Variants in CPA6 observed in about 807,000 individuals in gnomAD.
The protein encoded by CPA6 is carboxypeptidase A6, also known as carboxypeptidase B.
In CPA6, 58 loss-of-function variants were observed where a neutral mutation model predicts 63.3. That is an observed-to-expected ratio of 0.92 (90% confidence interval 0.74 to 1.14). The LOEUF (loss-of-function observed/expected upper bound fraction) is 1.14. CPA6 is among the 50% of genes most tolerant of loss of function. CPA6 has a pLI of 0.00. For missense variants in CPA6, 565 were observed against 526.6 expected, an observed-to-expected ratio of 1.07 and a Z score of -0.71; for synonymous variants, 185 against 179.0, an observed-to-expected ratio of 1.03 and a Z score of -0.27.
intron 6 of CPA6, among the ~76,000 whole-genome samples, chr8:67,504,326 C>T (rs960847123): frequency 1.3e-5 from 2 of 152,186 alleles, no homozygotes; most frequent in Admixed American, 6.5e-5. Flanking sequence ...ACAATTCCTG[C>T]TCTTAGTATT....
Position 67,746,046 on chromosome 8 carries a change from C to T in CPA6, c.84G>A (p.Gly28=). Residue 28 remains glycine, a synonymous_variant, in exon 1 of 11, where the codon GGG becomes GGA. Transcript: ENST00000297770. ...AGCGGTTGTTATAAAGGTGGCTGTG[C>T]CCCGGTTGCAGAATCTTCAAAAAGA... ...CWLFLKILQP[G]HSHLYNNRYA... The T allele has an allele frequency of 7.4e-6, 12 of 1,613,480 alleles. No homozygotes were observed. The highest frequency in any genetic ancestry group is 1.7e-5 in the Admixed American group (1 of 60,002).
rs545423775 is a variant in CPA6 at position 67,651,887 on chromosome 8, C to A, written c.117-27636G>T. On this transcript the variant is annotated intron_variant, in intron 1 of 10. Coordinates refer to ENST00000297770, the MANE Select transcript of CPA6 (RefSeq NM_020361.5). ...AGGTATATCTCCTAAAGCTATCCCT[C>A]CCCCCTGCCCCCACCCCGCAACAGT... is the stretch of plus-strand genomic sequence containing the variant. Among the ~76,000 whole-genome samples the A allele has an allele frequency of 3.1e-3, 470 of 151,656 alleles. 3 individuals carry two copies. The highest frequency in any genetic ancestry group is 0.011 in the African/African-American group (454 of 41,332).
At chr8:67,569,390 T>G in intron 2 of CPA6, 1 of 190,460 alleles carries the variant, frequency 5.3e-6, no homozygotes, top group Admixed American at 5.8e-5. Context: ...TCTGCCACCA[T>G]CTCGGTTCCA....
intron 9 of CPA6, among the ~76,000 whole-genome samples, chr8:67,430,766 T>G (rs1280515874): frequency 1.3e-5 from 2 of 152,184 alleles, no homozygotes; most frequent in African/African-American, 4.8e-5. Context: ...GGCCTATACC[T>G]GCTAGATGCC....
rs182766666 is a variant in CPA6 at position 67,642,209 on chromosome 8, T to C, written c.117-17958A>G. ...GGCGGGCGCCTGTAATCCCAGCTAT[T>C]TGGGAGGCTGAGGCAGGAGAATCAC... On this transcript the variant is annotated intron_variant, in intron 1 of 10. Transcript: ENST00000297770. Among the ~76,000 whole-genome samples the C allele has an allele frequency of 4.1e-3, 629 of 152,026 alleles. 2 individuals are homozygous for C. Among genetic ancestry groups the C allele is most frequent in the Non-Finnish European group, 6.3e-3 (430 of 67,978 alleles).
intron 2 of CPA6, among the ~76,000 whole-genome samples, chr8:67,589,998 C>A (rs1283485355): frequency 1.3e-5 from 2 of 151,752 alleles, no homozygotes; most frequent in East Asian, 3.9e-4. Flanking sequence ...ATTAACTCAT[C>A]ATTTAGCATT....
intron 8 of CPA6, among the ~76,000 whole-genome samples, chr8:67,456,119 T>G (rs1029623644): frequency 6.6e-6 from 1 of 152,228 alleles, no homozygotes; most frequent in Admixed American, 6.5e-5. Context: ...ATGCTTAGAT[T>G]CTGTCCTAAA....
intron 10 of CPA6, among the ~76,000 whole-genome samples, chr8:67,426,656 T>A (rs550063556): frequency 1.3e-4 from 20 of 152,322 alleles, no homozygotes; most frequent in Middle Eastern, 3.4e-3. Context: ...AGGAATACAA[T>A]GATAGGTAGA....
intron 1 of CPA6, among the ~76,000 whole-genome samples, chr8:67,676,271 TCCCA>T (rs1194714441): frequency 6.6e-6 from 1 of 152,204 alleles, no homozygotes; most frequent in African/African-American, 2.4e-5. Context: ...CGCATTCACT[TCCCA>T]CCAAGTGGCA....
At chr8:67,449,378 T>C (rs1311247558) in intron 8 of CPA6, among the ~76,000 whole-genome samples, 1 of 152,264 alleles carries the variant, frequency 6.6e-6, no homozygotes, top group Non-Finnish European at 1.5e-5. Context: ...AAGTATGCTC[T>C]GATACAGGCA....
rs142956361 is a variant in CPA6, at chr8:67,560,259, T to C, written c.193-42212A>G. 4.6e-3 allele frequency among the ~76,000 whole-genome samples: 689 copies of C among 151,100 alleles called. 4 individuals are homozygous for C. Among genetic ancestry groups the C allele is most frequent in the African/African-American group, 0.016 (643 of 41,046 alleles). On this transcript the variant is annotated intron_variant, in intron 2 of 10. Coordinates refer to ENST00000297770, the MANE Select transcript of CPA6 (RefSeq NM_020361.5). ...GGAATACTCTAATTACAAAAGGAAA[T>C]ACTGCATCTCCCAAAGGGCTCGCTA...
At chr8:67,733,217 A>AAAAAAAAT (rs1258321002) in intron 1 of CPA6, among the ~76,000 whole-genome samples, 1 of 124,594 alleles carries the variant, frequency 8.0e-6, no homozygotes. Flanking sequence ...AAAAAAAAAA[A>AAAAAAAAT]AAAAAAATAA....
intron 1 of CPA6, among the ~76,000 whole-genome samples, chr8:67,661,491 G>T (rs1816108483): frequency 6.6e-6 from 1 of 152,204 alleles, no homozygotes; most frequent in African/African-American, 2.4e-5. Context: ...GAAGCATCTT[G>T]CTCCTGTAGT....
chr8:67,721,797 A>G (rs952630312), intron 1 of CPA6, among the ~76,000 whole-genome samples: 1 of 152,202 alleles, frequency 6.6e-6, no homozygotes, highest in Non-Finnish European at 1.5e-5. Flanking sequence ...TTTTTATGGT[A>G]GGGGCTTTCA....
intron 8 of CPA6, among the ~76,000 whole-genome samples, chr8:67,458,908 C>T (rs910129144): frequency 1.3e-5 from 2 of 152,128 alleles, no homozygotes; most frequent in East Asian, 1.9e-4. Flanking sequence ...ATGGTGAAGA[C>T]GTGGAGCAAC....
At chr8:67,619,451 C>G (rs529586512) in intron 2 of CPA6, among the ~76,000 whole-genome samples, 2 of 152,220 alleles carry the variant, frequency 1.3e-5, no homozygotes, top group East Asian at 3.9e-4. Context: ...TTAAAACAGC[C>G]CTTATGAGAA....
intron 6 of CPA6, among the ~76,000 whole-genome samples, chr8:67,489,180 A>G (rs899042400): frequency 5.3e-5 from 8 of 151,924 alleles, no homozygotes; most frequent in Non-Finnish European, 1.2e-4. Context: ...TCCAGGGCTC[A>G]AGCAATCCTC....
chr8:67,482,756 T>C (rs1226596287), intron 8 of CPA6, among the ~76,000 whole-genome samples: 6 of 152,236 alleles, frequency 3.9e-5, no homozygotes, highest in Non-Finnish European at 5.9e-5. Flanking sequence ...CTTTCATAGA[T>C]TGAATAAAAT....
intron 2 of CPA6, among the ~76,000 whole-genome samples, chr8:67,526,061 C>T (rs1411663225): frequency 6.6e-6 from 1 of 152,118 alleles, no homozygotes; most frequent in Non-Finnish European, 1.5e-5. Context: ...CTTGTTGCAA[C>T]AAGTGGGAGC....
Sources: gnomAD v4.1 joint callset for allele counts (sites outside exome capture counted in the v4.1 genomes callset) on GRCh38, gnomAD v4.1.1 for gene constraint, MANE v1.5 for transcripts, NCBI Gene and HGNC (gene_info 2026-07-23, HGNC 2026-07-21) for gene names.